The following DPP10 variants were observed in gnomAD, a reference collection of about 807,000 sequenced individuals.
The protein encoded by DPP10 is inactive dipeptidyl peptidase 10.
A neutral mutation model predicts 120.9 loss-of-function variants in DPP10; 33 were observed. The observed-to-expected ratio is 0.27, with a 90% CI of 0.21 to 0.37. The LOEUF is 0.37. Among genes scored for constraint, DPP10 ranks in the 10% least tolerant of loss-of-function variants. The probability of loss-of-function intolerance (pLI) is 1.00; values close to 1 mark genes in which losing one functional copy is unlikely to be tolerated. For missense variants in DPP10, 816 were observed against 942.8 expected (o/e 0.87, Z 1.76); for synonymous variants, 337 against 326.1 (o/e 1.03, Z -0.36).
intron 1 of DPP10, among the ~76,000 whole-genome samples, chr2:114,594,094 G>A (rs140536436): frequency 0.024 from 3,641 of 152,130 alleles, 153 homozygotes; most frequent in African/African-American, 0.083. Context: ...GAGTCAGTGG[G>A]CTGGGAAAGG....
At chr2:115,294,058 A>C (rs1219198368) in intron 1 of DPP10, among the ~76,000 whole-genome samples, 2 of 152,112 alleles carry the variant, frequency 1.3e-5, no homozygotes, top group South Asian at 2.1e-4. Flanking sequence ...TGATTCAATG[A>C]ATATTTATTG....
At chr2:115,341,008 T>C (rs942639334) in intron 2 of DPP10, among the ~76,000 whole-genome samples, 3 of 152,056 alleles carry the variant, frequency 2.0e-5, no homozygotes, top group African/African-American at 7.2e-5. Flanking sequence ...TTGAAACTTA[T>C]CTATATCAAA....
intron 1 of DPP10, among the ~76,000 whole-genome samples, chr2:114,742,481 A>G (rs1678159442): frequency 6.6e-6 from 1 of 152,190 alleles, no homozygotes. Context: ...CACAATTAAT[A>G]GCTGCTTTTT....
chr2:114,607,976 CAA>C (rs1692951407), intron 1 of DPP10, among the ~76,000 whole-genome samples: 3 of 152,164 alleles, frequency 2.0e-5, no homozygotes, highest in African/African-American at 7.2e-5. Context: ...TTATGACCCC[CAA>C]GCTTGTGAGC....
At chr2:115,583,155 T>G (rs1410820391) in intron 5 of DPP10, among the ~76,000 whole-genome samples, 1 of 152,262 alleles carries the variant, frequency 6.6e-6, no homozygotes. Context: ...GTTGCCTTTC[T>G]GTTAGACTTC....
At chr2:115,237,317 G>A (rs1033033871) in intron 1 of DPP10, among the ~76,000 whole-genome samples, 4 of 152,214 alleles carry the variant, frequency 2.6e-5, no homozygotes, top group Admixed American at 2.6e-4. Flanking sequence ...CTTTTGGAGT[G>A]CCATGAACCA....
intron 1 of DPP10, chr2:115,234,510 T>C (rs2057899824): frequency 6.5e-6 from 1 of 152,784 alleles, no homozygotes; most frequent in South Asian, 2.0e-4. Context: ...CCCTGAAAAT[T>C]TTATAATTTT....
intron 1 of DPP10, among the ~76,000 whole-genome samples, chr2:115,131,287 G>T (rs2050343780): frequency 6.6e-6 from 1 of 152,226 alleles, no homozygotes; most frequent in Non-Finnish European, 1.5e-5. Flanking sequence ...GGCCAAGGCA[G>T]GAGCATTACT....
intron 5 of DPP10, among the ~76,000 whole-genome samples, chr2:115,614,585 C>T (rs1396730623): frequency 6.6e-6 from 1 of 152,148 alleles, no homozygotes; most frequent in Non-Finnish European, 1.5e-5. Flanking sequence ...GCCACCACAC[C>T]AGCTAATTTT....
At chr2:115,022,450 A>G (rs1313057236) in intron 1 of DPP10, among the ~76,000 whole-genome samples, 2 of 152,042 alleles carry the variant, frequency 1.3e-5, no homozygotes, top group East Asian at 3.9e-4. Context: ...GAATATATCT[A>G]AACAAGGACG....
chr2:115,280,257 G>A (rs2060103851), intron 1 of DPP10, among the ~76,000 whole-genome samples: 1 of 152,120 alleles, frequency 6.6e-6, no homozygotes, highest in Admixed American at 6.5e-5. Flanking sequence ...TAAGATCTAT[G>A]TCTTCTACTT....
At chr2:114,966,120 G>A (rs542587762) in intron 1 of DPP10, among the ~76,000 whole-genome samples, 82 of 152,268 alleles carry the variant, frequency 5.4e-4, no homozygotes, top group South Asian at 4.2e-3. Flanking sequence ...GGGACAGGGA[G>A]CAATGCACTG....
At position 115,842,528 on chromosome 2, in the gene DPP10, G is replaced by A; in HGVS notation, c.*183G>A. 4.8e-6 allele frequency: 3 copies of A among 619,064 alleles called. No homozygotes were observed. The highest frequency in any genetic ancestry group is 9.1e-5 in the South Asian group (2 of 21,992). The allele number at this position is 619,064 out of a possible 1,614,324, so 38.3% of individuals were successfully genotyped here. On this transcript the variant is annotated 3_prime_UTR_variant, in exon 26 of 26. Transcript: ENST00000410059. ...CAAGTCCAAGTCTACTGTGTTGCTA[G>A]GGGTGCAGAACCCGTTTCTTTGTAT... is the stretch of plus-strand genomic sequence containing the variant.
At chr2:115,134,703 A>G (rs1227221106) in intron 1 of DPP10, among the ~76,000 whole-genome samples, 7 of 152,166 alleles carry the variant, frequency 4.6e-5, no homozygotes, top group Admixed American at 3.9e-4. Context: ...AATATTTACA[A>G]TATCAACAGG....
At chr2:115,100,528 A>G (rs1205863906) in intron 1 of DPP10, among the ~76,000 whole-genome samples, 2 of 152,026 alleles carry the variant, frequency 1.3e-5, no homozygotes, top group Non-Finnish European at 2.9e-5. Flanking sequence ...ATATACACAC[A>G]TATATTTGTA....
At chr2:115,498,240 T>C (rs2076505715) in intron 3 of DPP10, among the ~76,000 whole-genome samples, 1 of 152,140 alleles carries the variant, frequency 6.6e-6, no homozygotes, top group Non-Finnish European at 1.5e-5. Context: ...TATTGGACTA[T>C]GTGTTTTGAA....
chr2:115,229,598 T>C (rs1007617465), intron 1 of DPP10, among the ~76,000 whole-genome samples: 1 of 152,120 alleles, frequency 6.6e-6, no homozygotes, highest in Non-Finnish European at 1.5e-5. Context: ...GGATATCCAG[T>C]TTCTCCATCA....
rs1332873373 is a variant in DPP10 at position 115,603,557 on chromosome 2, GTTGTTTTTTT to G, written c.441+77598_441+77607del. On this transcript the variant is annotated intron_variant, in intron 5 of 25. Transcript: ENST00000410059. The stretch of plus-strand genomic sequence containing the variant: ...TCCACTACTGTGTGTTTTCGTTGTT[GTTGTTTTTTT>G]TTGTTTTTTTTTTTTTTGGATTTCT... Among the ~76,000 whole-genome samples, 13 of 25,284 alleles carry G rather than the reference GTTGTTTTTTT, an allele frequency of 5.1e-4. 1 individual carries two copies. In the East Asian group the frequency reaches 8.4e-3, roughly 16 times the overall value. 16.6% of individuals were successfully genotyped at this position (25,284 alleles called of 152,430 possible). A position where few individuals can be genotyped will look rare whatever the true frequency, so the allele number is the denominator to read the frequency against.
chr2:115,805,446 A>C (rs1047155093), intron 19 of DPP10, among the ~76,000 whole-genome samples: 8 of 151,820 alleles, frequency 5.3e-5, no homozygotes, highest in Non-Finnish European at 1.2e-4. Context: ...TCCTGCACCC[A>C]CTGTCTGGCA....
Sources: gnomAD v4.1 joint callset for allele counts (sites outside exome capture counted in the v4.1 genomes callset) on GRCh38, gnomAD v4.1.1 for gene constraint, MANE v1.5 for transcripts, NCBI Gene and HGNC (gene_info 2026-07-23, HGNC 2026-07-21) for gene names.